SYK: variants seen among roughly 807,000 people sequenced by gnomAD.
The protein encoded by SYK is spleen associated tyrosine kinase.
SYK carries 16 observed loss-of-function variants against 77.8 expected under a neutral mutation model. The ratio of observed to expected loss-of-function variants is 0.21; its 90% CI spans 0.14 to 0.31. The LOEUF (loss-of-function observed/expected upper bound fraction) is 0.31. Among genes scored for constraint, SYK ranks in the 10% least tolerant of loss-of-function variants. The pLI is 1.00. For synonymous variants in SYK, 312 were observed against 308.7 expected, an observed-to-expected ratio of 1.01 and a Z score of -0.11; for missense variants, 529 against 814.4, an observed-to-expected ratio of 0.65 and a Z score of 4.26.
chr9:90,827,093 A>G (rs546742703), intron 1 of SYK, among the ~76,000 whole-genome samples: 1 of 152,144 alleles, frequency 6.6e-6, no homozygotes, highest in Non-Finnish European at 1.5e-5. Context: ...GGACTTTTTA[A>G]AAAAACATAA....
chr9:90,870,935 A>T (rs1443553615), intron 7 of SYK, among the ~76,000 whole-genome samples: 1 of 152,198 alleles, frequency 6.6e-6, no homozygotes, highest in African/African-American at 2.4e-5. Flanking sequence ...ACTTGGCAAT[A>T]CTCTGGAATC....
At chr9:90,812,274 G>A (rs61495376) in intron 1 of SYK, among the ~76,000 whole-genome samples, 3,022 of 152,282 alleles carry the variant, frequency 0.02, 110 homozygotes, top group East Asian at 0.17. Flanking sequence ...TGCTTGGGGG[G>A]AAAGGGTAAG....
intron 1 of SYK, among the ~76,000 whole-genome samples, chr9:90,824,797 C>A (rs1825618540): frequency 6.6e-6 from 1 of 151,846 alleles, no homozygotes; most frequent in South Asian, 2.1e-4. Flanking sequence ...TGAACACTGT[C>A]CCTCTGATAC....
rs558270938 is a variant in SYK at position 90,895,225 on chromosome 9, G to A, written c.1836-303G>A. Among the ~76,000 whole-genome samples the A allele has an allele frequency of 6.6e-6, 1 of 152,294 alleles. No homozygotes were observed. Among genetic ancestry groups the A allele is most frequent in the East Asian group, 1.9e-4 (1 of 5,194 alleles). On this transcript the variant is annotated intron_variant, in intron 13 of 13. Coordinates refer to ENST00000375754, the MANE Select transcript of SYK (RefSeq NM_003177.7). This position sits in a 1 kb window ranked among gnomAD's most constrained non-coding sequence, Gnocchi z 4.4. ...ATTGTGTGCCGCATATCTGAACCTGGGGCTAAAACACTCCCAGTTCTAATG... is the reference window on the plus strand; with the variant it reads ...ATTGTGTGCCGCATATCTGAACCTGAGGCTAAAACACTCCCAGTTCTAATG...
chr9:90,874,944 CT>C (rs1827871770), intron 9 of SYK, 95 bp downstream of exon 9: 19 of 1,386,932 alleles, frequency 1.4e-5, no homozygotes, highest in Non-Finnish European at 1.7e-5. Context: ...TGACTAAACC[CT>C]TTTTTTATTA....
chr9:90,858,607 C>G (rs1827130801), intron 3 of SYK, among the ~76,000 whole-genome samples: 1 of 152,228 alleles, frequency 6.6e-6, no homozygotes, highest in Non-Finnish European at 1.5e-5. Flanking sequence ...GGGCAAAGCT[C>G]TCAGTAAGAG....
Position 90,891,142 on chromosome 9 carries a change from C to CTTTT in SYK, c.1835+2533_1835+2536dup, listed in dbSNP as rs750370621. On this transcript the variant is annotated intron_variant, in intron 13 of 13. Coordinates refer to ENST00000375754, the MANE Select transcript of SYK (RefSeq NM_003177.7). ...TCCTTGGCCGACGCCATGTTGCCTG[C>CTTTT]TTTTTTTTTTTTTTTTTTTTTGAGA... Among the ~76,000 whole-genome samples the CTTTT allele has an allele frequency of 1.9e-3, 221 of 119,070 alleles. 3 individuals are homozygous for CTTTT. The highest frequency in any genetic ancestry group is 0.01 in the East Asian group (33 of 3,270). 78.1% of individuals were successfully genotyped at this position (119,070 alleles called of 152,430 possible). A position where few individuals can be genotyped will look rare whatever the true frequency, so the allele number is the denominator to read the frequency against.
At chr9:90,841,718 G>C (rs1179277086) in intron 1 of SYK, among the ~76,000 whole-genome samples, 1 of 151,528 alleles carries the variant, frequency 6.6e-6, no homozygotes, top group Non-Finnish European at 1.5e-5. Context: ...TGTGTGTAGT[G>C]TGTACTGTGT....
intron 1 of SYK, among the ~76,000 whole-genome samples, chr9:90,828,235 G>GCA (rs1554706462): frequency 1.8e-5 from 1 of 55,420 alleles, no homozygotes; most frequent in African/African-American, 6.7e-5. Flanking sequence ...CCTCACCCCC[G>GCA]CCCCCCCCCC....
At chr9:90,871,281 G>C (rs7873304) in intron 7 of SYK, among the ~76,000 whole-genome samples, 3 of 152,158 alleles carry the variant, frequency 2.0e-5, no homozygotes, top group Admixed American at 1.3e-4. Flanking sequence ...GAAGAAAGTG[G>C]AATGGTCAAC....
intron 11 of SYK, 87 bp from the exon 12 acceptor site, chr9:90,887,662 C>T: frequency 1.4e-6 from 2 of 1,435,678 alleles, no homozygotes; most frequent in Non-Finnish European, 1.9e-6. Context: ...CTCAGCCTCC[C>T]AAAGTGCTGG....
At chr9:90,819,975 T>A (rs290250) in intron 1 of SYK, among the ~76,000 whole-genome samples, 22,428 of 152,140 alleles carry the variant, frequency 0.15, 1,980 homozygotes, top group East Asian at 0.44. Flanking sequence ...GGAGAAATTG[T>A]CCAAAACAAA....
In SYK at chr9:90,895,460, G is replaced by T; in HGVS notation, c.1836-68G>T. The T allele has an allele frequency of 7.8e-6, 12 of 1,538,430 alleles. No homozygotes were observed. The highest frequency in any genetic ancestry group is 1.1e-5 in the Non-Finnish European group (12 of 1,115,874). ...CACCACTGGTACTCAGCCTGCAGAG[G>T]CCCTGCTTGTGATCAGCAATTTTTC... On this transcript the variant is annotated intron_variant, in intron 13 of 13. Coordinates refer to ENST00000375754, the MANE Select transcript of SYK (RefSeq NM_003177.7). This position sits in a 1 kb window ranked among gnomAD's most constrained non-coding sequence, Gnocchi z 4.4.
chr9:90,841,893 G>GGT lies in SYK; in HGVS notation c.-41-1957_-41-1956dup, dbSNP rs545153253. 6.1e-5 allele frequency among the ~76,000 whole-genome samples: 9 copies of GGT among 148,124 alleles called. No individual in the cohort carries two copies. The South Asian group carries it at 2.0e-3, about 32-fold the overall frequency. The stretch of plus-strand genomic sequence containing the variant: ...TGTGTGTAGTGTGTATGTAGTCTGT[G>GGT]GTGTGTGTGATGTGGGTAGTGTCCG... On this transcript the variant is annotated intron_variant, in intron 1 of 13. Coordinates refer to ENST00000375754, the MANE Select transcript of SYK (RefSeq NM_003177.7).
At chr9:90,842,675 G>A (rs1259051714) in intron 1 of SYK, among the ~76,000 whole-genome samples, 1 of 150,884 alleles carries the variant, frequency 6.6e-6, no homozygotes, top group Non-Finnish European at 1.5e-5. Context: ...TGTGCATGTA[G>A]TACATGGTGT....
intron 2 of SYK, 99 bp downstream of exon 2, chr9:90,844,414 T>G: frequency 7.5e-7 from 1 of 1,325,966 alleles, no homozygotes; most frequent in Non-Finnish European, 1.0e-6. Context: ...GTGCCCTGTG[T>G]GCCCAAATAA....
rs550638338 is a variant in SYK at position 90,844,460 on chromosome 9, A to C, written c.417+145A>C. On this transcript the variant is annotated intron_variant, in intron 2 of 13. Coordinates refer to ENST00000375754, the MANE Select transcript of SYK (RefSeq NM_003177.7). ...TCCTTAAGCATCAATTTTGGCCAAA[A>C]AATGCCTCTCTCTGATAAGAGCCTT... is the stretch of plus-strand genomic sequence containing the variant. 3 of 946,496 alleles carry C rather than the reference A, an allele frequency of 3.2e-6. No individual in the cohort carries two copies. The South Asian group carries it at 5.5e-5, about 17-fold the overall frequency. 58.6% of individuals were successfully genotyped at this position (946,496 alleles called of 1,614,324 possible). A position where few individuals can be genotyped will look rare whatever the true frequency, so the allele number is the denominator to read the frequency against.
intron 7 of SYK, 50 bp downstream of exon 7, chr9:90,867,249 C>A (rs202209558): frequency 3.2e-6 from 5 of 1,582,146 alleles, no homozygotes; most frequent in Non-Finnish European, 3.5e-6. Flanking sequence ...AGGACCAACG[C>A]GCACTCAGCT....
intron 1 of SYK, among the ~76,000 whole-genome samples, chr9:90,802,211 G>A (rs780032002): frequency 1.4e-4 from 21 of 152,122 alleles, no homozygotes; most frequent in Non-Finnish European, 2.1e-4. Context: ...GTGCGGTCGC[G>A]GCCCGGCCCT....
Sources: gnomAD v4.1 joint callset for allele counts (sites outside exome capture counted in the v4.1 genomes callset) on GRCh38, gnomAD v4.1.1 for gene constraint, Gnocchi (gnomAD v3.1) non-coding constraint, MANE v1.5 for transcripts, NCBI Gene and HGNC (gene_info 2026-07-23, HGNC 2026-07-21) for gene names.